FAM107B: variants seen among roughly 807,000 people sequenced by gnomAD.
FAM107B encodes family with sequence similarity 107 member B, also known as protein FAM107B.
FAM107B carries 21 observed loss-of-function variants against 31.5 expected under a neutral mutation model. The ratio of observed to expected loss-of-function variants is 0.67; its 90% confidence interval spans 0.47 to 0.96. FAM107B has a LOEUF of 0.96. Ranked by LOEUF, FAM107B falls within the 40% of genes least tolerant of loss-of-function variation. FAM107B has a pLI of 0.00. For missense variants in FAM107B, 452 were observed against 377.1 expected, an observed-to-expected ratio of 1.20 and a Z score of -1.64; for synonymous variants, 157 against 141.5, an observed-to-expected ratio of 1.11 and a Z score of -0.78.
At chr10:14,593,553 GC>G (rs1852086210) in intron 2 of FAM107B, among the ~76,000 whole-genome samples, 1 of 152,046 alleles carries the variant, frequency 6.6e-6, no homozygotes, top group African/African-American at 2.4e-5. Flanking sequence ...AATTAGCCAG[GC>G]ACAGTGGCGG....
At chr10:14,617,059 AAG>A (rs1050521856) in intron 2 of FAM107B, among the ~76,000 whole-genome samples, 2 of 152,108 alleles carry the variant, frequency 1.3e-5, no homozygotes, top group East Asian at 1.9e-4. Context: ...AGAGAGAAGA[AAG>A]AGAACCGAGA....
chr10:14,700,078 G>A (rs558450865), intron 1 of FAM107B, among the ~76,000 whole-genome samples: 12 of 152,106 alleles, frequency 7.9e-5, no homozygotes, highest in East Asian at 7.7e-4. Context: ...GATTACAGGC[G>A]TGTGCCACCA....
At chr10:14,658,078 C>G (rs1182106805) in intron 2 of FAM107B, among the ~76,000 whole-genome samples, 1 of 152,180 alleles carries the variant, frequency 6.6e-6, no homozygotes, top group East Asian at 1.9e-4. Context: ...CCCCAAAGTG[C>G]TGGGATTACA....
chr10:14,684,916 G>T (rs12251455), intron 1 of FAM107B, among the ~76,000 whole-genome samples: 19,283 of 151,582 alleles, frequency 0.13, 1,514 homozygotes, highest in East Asian at 0.25. Context: ...AATCTCCGGG[G>T]CTCAAGTGAT....
intron 2 of FAM107B, among the ~76,000 whole-genome samples, chr10:14,533,834 T>C (rs1013582990): frequency 6.6e-6 from 1 of 152,172 alleles, no homozygotes. Context: ...ATTTAGTTGC[T>C]TGGAAATCTT....
chr10:14,686,827 G>A (rs893552988), intron 1 of FAM107B, among the ~76,000 whole-genome samples: 1 of 152,232 alleles, frequency 6.6e-6, no homozygotes, highest in African/African-American at 2.4e-5. Flanking sequence ...ATTGAAGAGA[G>A]AGGGGCAGGT....
intron 2 of FAM107B, among the ~76,000 whole-genome samples, chr10:14,591,062 T>C (rs1228804000): frequency 2.6e-5 from 4 of 152,004 alleles, no homozygotes; most frequent in African/African-American, 9.7e-5. Context: ...CTATTTCAGA[T>C]GTATCATTCT....
At chr10:14,620,341 C>T (rs1852977329) in intron 2 of FAM107B, among the ~76,000 whole-genome samples, 1 of 152,030 alleles carries the variant, frequency 6.6e-6, no homozygotes, top group African/African-American at 2.4e-5. Context: ...CTATCCTGTT[C>T]CATGTCTCTG....
chr10:14,554,621 A>G (rs1849542092), intron 2 of FAM107B, among the ~76,000 whole-genome samples: 1 of 152,216 alleles, frequency 6.6e-6, no homozygotes, highest in Non-Finnish European at 1.5e-5. Flanking sequence ...GCTTAAGGCA[A>G]TAAATAATCT....
intron 2 of FAM107B, among the ~76,000 whole-genome samples, chr10:14,630,604 G>A (rs549062865): frequency 5.9e-5 from 9 of 151,952 alleles, no homozygotes; most frequent in East Asian, 1.9e-4. Flanking sequence ...TGGGAGGATC[G>A]CTTGAGCCCA....
chr10:14,600,468 G>A (rs573357912), intron 2 of FAM107B, among the ~76,000 whole-genome samples: 47 of 138,380 alleles, frequency 3.4e-4, no homozygotes, highest in African/African-American at 6.7e-4. Flanking sequence ...ATGGCCCGCC[G>A]CACCCACCCA....
rs116873509 is a variant in FAM107B at position 14,754,336 on chromosome 10, C to G, written c.411+19917G>C. Among the ~76,000 whole-genome samples the G allele has an allele frequency of 1.7e-3, 252 of 152,304 alleles. 3 individuals are homozygous for G. The East Asian group carries it at 0.033, about 20-fold the overall frequency. ...TCTTCTGAGTCCACGGTGCCCCTGT[C>G]CTGCTGAATGGCAATGTGCTATGGG... On this transcript the variant is annotated intron_variant, in intron 1 of 4. Coordinates refer to ENST00000181796, the MANE Select transcript of FAM107B (RefSeq NM_031453.4).
chr10:14,524,769 A>T (rs1430992140), intron 3 of FAM107B, among the ~76,000 whole-genome samples: 1 of 151,996 alleles, frequency 6.6e-6, no homozygotes, highest in East Asian at 1.9e-4. Context: ...TAAATTTCAA[A>T]CATTTTTCTT....
intron 1 of FAM107B, among the ~76,000 whole-genome samples, chr10:14,739,910 G>C (rs1275826900): frequency 2.0e-5 from 3 of 152,174 alleles, no homozygotes; most frequent in Non-Finnish European, 4.4e-5. Context: ...ACTATCTCTA[G>C]TTGGTCTATC....
Position 14,721,362 on chromosome 10 carries a change from GT to G in FAM107B, c.411+52890del, listed in dbSNP as rs371209841. Among the ~76,000 whole-genome samples, 524 of 152,304 alleles carry G rather than the reference GT, an allele frequency of 3.4e-3. 12 individuals carry two copies. In the East Asian group the frequency reaches 0.046, roughly 13 times the overall value. On this transcript the variant is annotated intron_variant, in intron 1 of 4. Coordinates refer to ENST00000181796, the MANE Select transcript of FAM107B (RefSeq NM_031453.4). ...TTATAATCCTTTGGGTATATACCCA[GT>G]AATGGGATGGCTGGGTCAAATGGTA...
intron 1 of FAM107B, among the ~76,000 whole-genome samples, chr10:14,700,975 G>A (rs1855386391): frequency 6.6e-6 from 1 of 152,028 alleles, no homozygotes; most frequent in Admixed American, 6.6e-5. Flanking sequence ...CTTTCTCTTG[G>A]TGCCAGGACA....
intron 2 of FAM107B, among the ~76,000 whole-genome samples, chr10:14,600,778 T>C (rs1230200603): frequency 1.3e-5 from 2 of 152,136 alleles, no homozygotes; most frequent in African/African-American, 4.8e-5. Flanking sequence ...TAGCTGGGAC[T>C]ACAGGCATGC....
chr10:14,764,455 A>G (rs1241262076), intron 1 of FAM107B, among the ~76,000 whole-genome samples: 1 of 152,214 alleles, frequency 6.6e-6, no homozygotes, highest in Admixed American at 6.5e-5. Flanking sequence ...GAACAAGATC[A>G]TAAACACCTC....
At chr10:14,652,064 A>G (rs1853914877) in intron 2 of FAM107B, among the ~76,000 whole-genome samples, 1 of 152,136 alleles carries the variant, frequency 6.6e-6, no homozygotes, top group African/African-American at 2.4e-5. Context: ...AGTTCGAGGG[A>G]TGTTTGTTGT....
Sources: allele counts gnomAD v4.1 joint callset (sites outside exome capture counted in the v4.1 genomes callset), GRCh38; gene constraint gnomAD v4.1.1; transcripts MANE v1.5; gene names NCBI Gene and HGNC (gene_info 2026-07-23, HGNC 2026-07-21).